The following SLU7 variants were observed in gnomAD, a reference collection of about 807,000 sequenced individuals.
SLU7 encodes the protein pre-mRNA-splicing factor SLU7.
In SLU7, 60 loss-of-function variants were observed where a neutral mutation model predicts 87.0. The observed-to-expected ratio is 0.69, with a 90% CI of 0.56 to 0.86. The LOEUF (loss-of-function observed/expected upper bound fraction) is 0.86, where lower values mean the gene tolerates loss of function less well. Among genes scored for constraint, SLU7 ranks in the 40% least tolerant of loss-of-function variants. The pLI is 0.00. For synonymous variants in SLU7, 197 were observed against 222.0 expected (o/e 0.89, Z 1.00); for missense variants, 507 against 686.6 (o/e 0.74, Z 2.92).
chr5:160,406,363 TA>T, intron 12 of SLU7, 104 bp downstream of exon 12: 22 of 877,604 alleles, frequency 2.5e-5, no homozygotes, highest in African/African-American at 3.5e-5. Flanking sequence ...TTTTTTTTTT[TA>T]AAGCATAGAG....
rs749312080 is a variant in SLU7, at chr5:160,404,560, A to G, written c.1465-4T>C. On this transcript the variant is annotated splice_polypyrimidine_tract_variant and splice_region_variant and intron_variant, in intron 14 of 15. Transcript: ENST00000297151. ...CTTTCAGTTTTTCTTGATGCAGCTGAAAGGGAGGATTGAAATGCAGTGTTA... is the reference window on the plus strand; with the variant it reads ...CTTTCAGTTTTTCTTGATGCAGCTGGAAGGGAGGATTGAAATGCAGTGTTA... 6.4e-7 allele frequency: 1 copy of G among 1,552,762 alleles called. No homozygotes were observed. Among genetic ancestry groups the G allele is most frequent in the South Asian group, 1.1e-5 (1 of 89,100 alleles).
rs769896821 is a variant in SLU7, at chr5:160,404,426, A to G, written c.1581+14T>C. On this transcript the variant is annotated intron_variant, in intron 15 of 15. Coordinates refer to ENST00000297151, the MANE Select transcript of SLU7 (RefSeq NM_006425.5). ...GCTACTTGTCACTTTTACTATTTAG[A>G]CTTCACAAATTACCTTTTTCAATTT... 5 of 1,442,376 alleles carry G rather than the reference A, an allele frequency of 3.5e-6. No homozygotes were observed. Among genetic ancestry groups the G allele is most frequent in the South Asian group, 1.2e-5 (1 of 84,020 alleles). 89.3% of individuals were successfully genotyped at this position (1,442,376 alleles called of 1,614,324 possible).
At position 160,401,689 on chromosome 5, in the gene SLU7, C is replaced by G. The variant is rs1764790785; in HGVS notation, c.*1596G>C. The G allele has an allele frequency of 2.0e-5, 3 of 152,284 alleles. No homozygotes were observed. The South Asian group carries it at 6.2e-4, about 32-fold the overall frequency. 9.4% of individuals were successfully genotyped at this position (152,284 alleles called of 1,614,324 possible). A position where few individuals can be genotyped will look rare whatever the true frequency, so the allele number is the denominator to read the frequency against. On this transcript the variant is annotated 3_prime_UTR_variant, in exon 16 of 16. Transcript: ENST00000297151. ...TGTATCTTTAACAAAAGATAAAATACAAAACGGACACAACATCAGCCTTTA... is the reference window on the plus strand; with the variant it reads ...TGTATCTTTAACAAAAGATAAAATAGAAAACGGACACAACATCAGCCTTTA...
In SLU7 at chr5:160,402,371, T is replaced by C. The variant is rs1764817712; in HGVS notation, c.*914A>G. 2 of 152,086 alleles carry C rather than the reference T, an allele frequency of 1.3e-5. No individual in the cohort carries two copies. Among genetic ancestry groups the C allele is most frequent in the Admixed American group, 1.3e-4 (2 of 15,268 alleles). 9.4% of individuals were successfully genotyped at this position (152,086 alleles called of 1,614,324 possible). On this transcript the variant is annotated 3_prime_UTR_variant, in exon 16 of 16. Coordinates refer to ENST00000297151, the MANE Select transcript of SLU7 (RefSeq NM_006425.5). ...TGACCCAATGATGAGAAAATAGTTG[T>C]TTTCCATTCAAAGACTAACACATTT...
chr5:160,408,734 A>C (rs1328640051), intron 6 of SLU7, 37 bp from the exon 7 acceptor site: 5 of 1,103,724 alleles, frequency 4.5e-6, no homozygotes, highest in African/African-American at 1.6e-5. Context: ...TCATAATCTC[A>C]TTCCACTTAA....
At position 160,405,017 on chromosome 5, in the gene SLU7, A is replaced by G. The variant is rs1764949482; in HGVS notation, c.1392+14T>C. ...GTTGTTTTATACCTTTAAGAACCAA[A>G]GACAATTACTTACAACAATCTCCTT... is the stretch of plus-strand genomic sequence containing the variant. On this transcript the variant is annotated intron_variant, in intron 13 of 15. Transcript: ENST00000297151. 6 of 1,593,730 alleles carry G rather than the reference A, an allele frequency of 3.8e-6. No homozygotes were observed. Among genetic ancestry groups the G allele is most frequent in the African/African-American group, 1.3e-5 (1 of 74,514 alleles).
Position 160,407,987 on chromosome 5 carries a change from C to T in SLU7, c.901G>A (p.Gly301Arg). ...GATACTTACTCATCTGGATTCTTTCCTGCATTGGCATAAGGATTCTCTCTC... is the reference window on the plus strand; with the variant it reads ...GATACTTACTCATCTGGATTCTTTCTTGCATTGGCATAAGGATTCTCTCTC... ...AMRENPYANA[G>R]KNPDEVSYAG... is the part of the protein sequence containing the mutation. The change falls in exon 9 of 16, where the codon GGA (glycine) becomes AGA (arginine). Residue 301 changes from glycine to arginine, a missense_variant. By Grantham distance (125) the Gly-to-Arg change is moderately radical. Coordinates refer to ENST00000297151, the MANE Select transcript of SLU7 (RefSeq NM_006425.5). The surrounding 1 kb of genome is among the most constrained non-coding windows in gnomAD (Gnocchi z 4.2). 6.2e-7 allele frequency: 1 copy of T among 1,611,538 alleles called. No homozygotes were observed. Among genetic ancestry groups the T allele is most frequent in the Non-Finnish European group, 8.5e-7 (1 of 1,177,876 alleles).
chr5:160,414,271 T>A lies in SLU7; in HGVS notation c.324+48A>T. ...TGCATTAAAAATTCTTACATTAAGTTCTTAAACTCTCCATATCCATGAAGA... is the reference window on the plus strand; with the variant it reads ...TGCATTAAAAATTCTTACATTAAGTACTTAAACTCTCCATATCCATGAAGA... On this transcript the variant is annotated intron_variant, in intron 3 of 15. Transcript: ENST00000297151. 2.1e-6 allele frequency: 3 copies of A among 1,438,650 alleles called. No homozygotes were observed. The South Asian group carries it at 4.4e-5, about 21-fold the overall frequency. 89.1% of individuals were successfully genotyped at this position (1,438,650 alleles called of 1,614,324 possible). A position where few individuals can be genotyped will look rare whatever the true frequency, so the allele number is the denominator to read the frequency against.
chr5:160,406,522 C>T lies in SLU7; in HGVS notation c.1233G>A (p.Glu411=), dbSNP rs1862386. ...CATACTTAGAGCAGGCAACAGCCCG[C>T]TCCTGTCCTTTGATGACTGTCCCAT... ...SRHGTVIKGQ[E]RAVACSKYEE... is the part of the protein sequence containing the mutation. Residue 411 remains glutamate, a synonymous_variant, in exon 12 of 16, where the codon GAG becomes GAA. Coordinates refer to ENST00000297151, the MANE Select transcript of SLU7 (RefSeq NM_006425.5). The T allele has an allele frequency of 8.9e-3, 14,352 of 1,613,790 alleles. 1,100 individuals carry two copies. In the African/African-American group the frequency reaches 0.17, roughly 19 times the overall value.
chr5:160,405,750 G>T (rs1581061461), intron 12 of SLU7, among the ~76,000 whole-genome samples: 1 of 152,108 alleles, frequency 6.6e-6, no homozygotes, highest in African/African-American at 2.4e-5. Context: ...AAAACATACA[G>T]GGATAGAGAA....
At chr5:160,414,953 C>T (rs1195144323) in intron 2 of SLU7, among the ~76,000 whole-genome samples, 172 bp downstream of exon 2, 4 of 152,104 alleles carry the variant, frequency 2.6e-5, no homozygotes, top group Admixed American at 6.5e-5. Context: ...TCATTATAAG[C>T]CCTTCAACAT....
chr5:160,413,633 TA>T lies in SLU7; in HGVS notation c.406-14del. On this transcript the variant is annotated splice_polypyrimidine_tract_variant and intron_variant, in intron 4 of 15. Coordinates refer to ENST00000297151, the MANE Select transcript of SLU7 (RefSeq NM_006425.5). ...CTCGCCTAGGTCTCTAAAAACAGAG[TA>T]AGATTTAATCTTTTCCTAAGTTTTT... The T allele has an allele frequency of 6.2e-7, 1 of 1,600,300 alleles. No homozygotes were observed. Among genetic ancestry groups the T allele is most frequent in the Non-Finnish European group, 8.5e-7 (1 of 1,175,194 alleles).
rs779010362 is a variant in SLU7, at chr5:160,404,826, G to A, written c.1447C>T (p.Pro483Ser). The part of the protein sequence containing the change: ...EITGEESVKK[P>S]QTLMELHQEK... ...CAACTTACCTCCATGAGGGTTTGAG[G>A]TTTTTTCACAGATTCTTCCCCAGTT... is the stretch of plus-strand genomic sequence containing the variant. Residue 483 changes from proline (P) to serine (S), a missense_variant, in exon 14 of 16, where the codon CCT (proline) becomes TCT (serine). By Grantham distance (74) the Pro-to-Ser change is moderately conservative. Transcript: ENST00000297151. 2.1e-5 allele frequency: 34 copies of A among 1,609,700 alleles called. No homozygotes were observed. In the Admixed American group the frequency reaches 5.2e-4, roughly 24 times the overall value.
In SLU7 at chr5:160,406,482, T is replaced by A; in HGVS notation, c.1273A>T (p.Ile425Phe). The A allele has an allele frequency of 6.2e-7, 1 of 1,609,386 alleles. No individual in the cohort carries two copies. ...ACSKYEEDVK[I>F]HNHTHIWGSY... ...TTAGCACATACTGTGTGATTGTGGA[T>A]CTTCACATCCTCCTCATACTTAGAG... The change falls in exon 12 of 16, where the codon ATC (isoleucine) becomes TTC (phenylalanine). Residue 425 changes from isoleucine to phenylalanine, a missense_variant. Ile to Phe is a conservative substitution (Grantham distance 21). Transcript: ENST00000297151.
chr5:160,412,069 C>A (rs1357247925), intron 6 of SLU7, among the ~76,000 whole-genome samples: 1 of 152,212 alleles, frequency 6.6e-6, no homozygotes, highest in Non-Finnish European at 1.5e-5. Flanking sequence ...TTACACCATG[C>A]AGATGCACTT....
In SLU7 at chr5:160,412,536, AAG is replaced by A. The variant is rs754591271; in HGVS notation, c.571-19_571-18del. Reference sequence around the variant, plus strand: ...TCGTTTTGCCTTTAAAAAAAAAAAAAAGAAAGAAAGAAAGAAAAAGTAAACAT... The same window carrying A: ...TCGTTTTGCCTTTAAAAAAAAAAAAAAAAGAAAGAAAGAAAAAGTAAACAT... On this transcript the variant is annotated intron_variant, in intron 5 of 15. Transcript: ENST00000297151. 244 of 1,095,034 alleles carry A rather than the reference AAG, an allele frequency of 2.2e-4. No homozygotes were observed. The highest frequency in any genetic ancestry group is 2.7e-4 in the Non-Finnish European group (219 of 812,530). The allele number at this position is 1,095,034 out of a possible 1,614,324, so 67.8% of individuals were successfully genotyped here. A position where few individuals can be genotyped will look rare whatever the true frequency, so the allele number is the denominator to read the frequency against.
rs745830994 is a variant in SLU7, at chr5:160,407,936, C to T, written c.917+35G>A. 2 of 1,522,126 alleles carry T rather than the reference C, an allele frequency of 1.3e-6. No homozygotes were observed. Among genetic ancestry groups the T allele is most frequent in the Admixed American group, 1.7e-5 (1 of 59,582 alleles). The allele number at this position is 1,522,126 out of a possible 1,614,324, so 94.3% of individuals were successfully genotyped here. On this transcript the variant is annotated intron_variant, in intron 9 of 15. Coordinates refer to ENST00000297151, the MANE Select transcript of SLU7 (RefSeq NM_006425.5). This position sits in a 1 kb window ranked among gnomAD's most constrained non-coding sequence, Gnocchi z 4.2. ...GGTCAGAAAACAATTAACTTTCTCT[C>T]ATCTTAAAATCTGTACATTTAACTT... is the stretch of plus-strand genomic sequence containing the variant.
chr5:160,407,694 C>T lies in SLU7; in HGVS notation c.985+52G>A. 1 of 1,602,214 alleles carries T rather than the reference C, an allele frequency of 6.2e-7. No individual in the cohort carries two copies. The highest frequency in any genetic ancestry group is 8.5e-7 in the Non-Finnish European group (1 of 1,174,382). ...CTTGAAAACAAGCTTTAAACAATCC[C>T]AAACGTCTTATGAGCTGATATAAAA... On this transcript the variant is annotated intron_variant, in intron 10 of 15. Transcript: ENST00000297151. This position sits in a 1 kb window ranked among gnomAD's most constrained non-coding sequence, Gnocchi z 4.2.
intron 1 of SLU7, 33 bp from the exon 2 acceptor site, chr5:160,415,343 T>A: frequency 6.7e-7 from 1 of 1,488,884 alleles, no homozygotes. Context: ...CAGTAAAAAG[T>A]AGGCCTTCAT....
Sources: allele counts gnomAD v4.1 joint callset (sites outside exome capture counted in the v4.1 genomes callset), GRCh38; gene constraint gnomAD v4.1.1; non-coding constraint Gnocchi (gnomAD v3.1); transcripts MANE v1.5; gene names NCBI Gene and HGNC (gene_info 2026-07-23, HGNC 2026-07-21).